Variants in RIBC2 observed in about 807,000 individuals in gnomAD.
RIBC2 encodes RIB43A domain with coiled-coils 2.
RIBC2 carries 40 observed loss-of-function variants against 44.3 expected under a neutral mutation model. That is an observed-to-expected ratio of 0.90 (90% confidence interval 0.70 to 1.18). The LOEUF (loss-of-function observed/expected upper bound fraction) is 1.18, where lower values mean the gene tolerates loss of function less well. Among genes scored for constraint, RIBC2 ranks in the 50% most tolerant of loss-of-function variants. The probability of loss-of-function intolerance (pLI) is 0.00; values close to 1 mark genes in which losing one functional copy is unlikely to be tolerated. For synonymous variants in RIBC2, 171 were observed against 175.0 expected (o/e 0.98, Z 0.18); for missense variants, 459 against 485.5 (o/e 0.95, Z 0.51).
At chr22:45,419,801 C>T (rs1453456810) in intron 3 of RIBC2, among the ~76,000 whole-genome samples, 1 of 151,160 alleles carries the variant, frequency 6.6e-6, no homozygotes, top group Non-Finnish European at 1.5e-5. Flanking sequence ...CTGAGGCGGG[C>T]AGATCACGAG....
intron 2 of RIBC2, among the ~76,000 whole-genome samples, chr22:45,415,889 G>A (rs1380787301): frequency 2.6e-5 from 4 of 152,036 alleles, no homozygotes; most frequent in Admixed American, 6.6e-5. Flanking sequence ...TAGTAGAGAC[G>A]AGGTTTCACC....
intron 5 of RIBC2, among the ~76,000 whole-genome samples, chr22:45,426,486 G>A (rs2146887432): frequency 6.6e-6 from 1 of 152,372 alleles, no homozygotes; most frequent in African/African-American, 2.4e-5. Flanking sequence ...TGAGCTGCAA[G>A]GGCAAAGGCC....
At chr22:45,424,059 A>C (rs1281445783) in intron 4 of RIBC2, among the ~76,000 whole-genome samples, 1 of 152,006 alleles carries the variant, frequency 6.6e-6, no homozygotes, top group Admixed American at 6.5e-5. Context: ...CAATTTATTC[A>C]TTCATATATT....
chr22:45,431,029 A>G lies in RIBC2; in HGVS notation c.1033A>G (p.Ser345Gly). 1 of 1,585,858 alleles carries G rather than the reference A, an allele frequency of 6.3e-7. No individual in the cohort carries two copies. Among genetic ancestry groups the G allele is most frequent in the African/African-American group, 1.3e-5 (1 of 74,138 alleles). Reference sequence around the variant, plus strand: ...GCGCGACCTGCGCAGAGCTCTGGACAGCAGCAACCTCAGCCTGGCCAAGGA... The same window carrying G: ...GCGCGACCTGCGCAGAGCTCTGGACGGCAGCAACCTCAGCCTGGCCAAGGA... ...RQRDLRRALD[S>G]SNLSLAKEQH... Residue 345 changes from serine (S) to glycine (G), a missense_variant, in exon 6 of 7, where the codon AGC (serine) becomes GGC (glycine). Ser to Gly is a moderately conservative substitution (Grantham distance 56). Coordinates refer to ENST00000614167, the MANE Select transcript of RIBC2 (RefSeq NM_015653.5).
At chr22:45,415,199 GAA>G (rs10587079) in intron 2 of RIBC2, among the ~76,000 whole-genome samples, 45,017 of 126,898 alleles carry the variant, frequency 0.35, 9,084 homozygotes, top group African/African-American at 0.62. Context: ...AAAATAAATT[GAA>G]AAAAAAAAAA....
chr22:45,419,445 ATC>A (rs1300385973), intron 3 of RIBC2, among the ~76,000 whole-genome samples: 1 of 151,816 alleles, frequency 6.6e-6, no homozygotes, highest in African/African-American at 2.4e-5. Flanking sequence ...GGCTATCAGC[ATC>A]TCTCGGCTGG....
At position 45,413,795 on chromosome 22, in the gene RIBC2, C is replaced by T; in HGVS notation, c.-92C>T. 1 of 1,454,840 alleles carries T rather than the reference C, an allele frequency of 6.9e-7. No individual in the cohort carries two copies. Among genetic ancestry groups the T allele is most frequent in the Non-Finnish European group, 9.1e-7 (1 of 1,094,510 alleles). 90.1% of individuals were successfully genotyped at this position (1,454,840 alleles called of 1,614,324 possible). A position where few individuals can be genotyped will look rare whatever the true frequency, so the allele number is the denominator to read the frequency against. On this transcript the variant is annotated 5_prime_UTR_variant, in exon 1 of 7. Transcript: ENST00000614167. ...AAGGCTTGTCTTTCCCCTGCCCGAC[C>T]GAAGGAGCCGACCTTGCCTGCGCTA...
intron 3 of RIBC2, chr22:45,418,192 A>G: frequency 2.8e-6 from 1 of 361,594 alleles, no homozygotes; most frequent in South Asian, 6.6e-5. Flanking sequence ...CACCTCAGTC[A>G]TGTGGAAAAC....
chr22:45,426,246 A>G, intron 5 of RIBC2, 71 bp downstream of exon 5: 1 of 1,357,252 alleles, frequency 7.4e-7, no homozygotes, highest in South Asian at 1.2e-5. Context: ...TCCAGGCACA[A>G]ATGTAGTTGT....
At chr22:45,429,363 G>A (rs1214667192) in intron 5 of RIBC2, among the ~76,000 whole-genome samples, 1 of 152,196 alleles carries the variant, frequency 6.6e-6, no homozygotes, top group Non-Finnish European at 1.5e-5. Flanking sequence ...GGCTGTCTCT[G>A]TGTGTGCTGA....
At chr22:45,422,525 A>G (rs1341886957) in intron 4 of RIBC2, 117 bp downstream of exon 4, 13 of 761,996 alleles carry the variant, frequency 1.7e-5, no homozygotes, top group East Asian at 2.5e-5. Context: ...CCCTGGTCAC[A>G]TGACCGGCCC....
chr22:45,422,500 C>A, intron 4 of RIBC2, 92 bp downstream of exon 4: 1 of 879,096 alleles, frequency 1.1e-6, no homozygotes, highest in Non-Finnish European at 1.9e-6. Context: ...CCTGGGATCC[C>A]AGTCTCAGCC....
chr22:45,427,889 C>T (rs577661548), intron 5 of RIBC2, among the ~76,000 whole-genome samples: 5 of 152,236 alleles, frequency 3.3e-5, no homozygotes, highest in African/African-American at 4.8e-5. Flanking sequence ...CCCACCTCAG[C>T]CTCCCATAGT....
intron 6 of RIBC2, among the ~76,000 whole-genome samples, chr22:45,431,395 T>C (rs1413582067): frequency 6.6e-6 from 1 of 152,096 alleles, no homozygotes; most frequent in African/African-American, 2.4e-5. Flanking sequence ...CAGGGACGGC[T>C]TTCCAGGTAG....
intron 4 of RIBC2, among the ~76,000 whole-genome samples, chr22:45,424,690 G>C (rs2087517491): frequency 6.6e-6 from 1 of 152,098 alleles, no homozygotes; most frequent in Non-Finnish European, 1.5e-5. Context: ...GAAGGAATGT[G>C]GCTAGTCCCC....
chr22:45,426,275 C>A, intron 5 of RIBC2, 100 bp downstream of exon 5: 1 of 1,041,330 alleles, frequency 9.6e-7, no homozygotes, highest in Non-Finnish European at 1.4e-6. Context: ...TTGTGCTCTG[C>A]CCTAGCACCT....
chr22:45,414,478 C>T, intron 2 of RIBC2, 75 bp downstream of exon 2: 6 of 952,304 alleles, frequency 6.3e-6, no homozygotes, highest in Non-Finnish European at 9.2e-6. Flanking sequence ...CCACCGTCCC[C>T]CTGCCCCGCC....
At chr22:45,418,957 G>C (rs1047373591) in intron 3 of RIBC2, among the ~76,000 whole-genome samples, 2 of 152,058 alleles carry the variant, frequency 1.3e-5, no homozygotes, top group South Asian at 2.1e-4. Context: ...CCTAACAGTC[G>C]ATCACCTCCT....
At chr22:45,419,902 T>G (rs2087461584) in intron 3 of RIBC2, among the ~76,000 whole-genome samples, 1 of 152,072 alleles carries the variant, frequency 6.6e-6, no homozygotes, top group Non-Finnish European at 1.5e-5. Context: ...GGCGGGTGCC[T>G]GTAGTCCCAG....
Sources: gnomAD v4.1 joint callset for allele counts (sites outside exome capture counted in the v4.1 genomes callset) on GRCh38, gnomAD v4.1.1 for gene constraint, MANE v1.5 for transcripts, NCBI Gene and HGNC (gene_info 2026-07-23, HGNC 2026-07-21) for gene names.